GRM5: variants seen among roughly 807,000 people sequenced by gnomAD.
GRM5 encodes the protein metabotropic glutamate receptor 5.
GRM5 carries 19 observed loss-of-function variants against 83.1 expected under a neutral mutation model. That is an observed-to-expected ratio of 0.23 (90% CI 0.16 to 0.34). The LOEUF (loss-of-function observed/expected upper bound fraction) is 0.34, where lower values mean the gene tolerates loss of function less well. Among genes scored for constraint, GRM5 ranks in the 10% least tolerant of loss-of-function variants. GRM5 has a pLI of 1.00. For synonymous variants in GRM5, 675 were observed against 633.6 expected (o/e 1.07, Z -0.98); for missense variants, 1,160 against 1,588.3 (o/e 0.73, Z 4.58).
intron 3 of GRM5, among the ~76,000 whole-genome samples, chr11:88,775,573 A>AT (rs1347086026): frequency 6.6e-6 from 1 of 152,134 alleles, no homozygotes. Flanking sequence ...TCTTGTGGGC[A>AT]TTTAGTGCTA....
intron 3 of GRM5, among the ~76,000 whole-genome samples, chr11:88,785,124 G>A (rs1021656451): frequency 6.6e-6 from 1 of 152,056 alleles, no homozygotes; most frequent in Non-Finnish European, 1.5e-5. Flanking sequence ...GCAGAGGCTT[G>A]TCAGTGGAGG....
At position 88,777,549 on chromosome 11, in the gene GRM5, A is replaced by G. The variant is rs897485711; in HGVS notation, c.911+72357T>C. ...TTAGAATTTTCAGCTTTTCTGCTCCAGTTTCTCCCCATCTTTGTGGTTTTA... is the reference window on the plus strand; with the variant it reads ...TTAGAATTTTCAGCTTTTCTGCTCCGGTTTCTCCCCATCTTTGTGGTTTTA... On this transcript the variant is annotated intron_variant, in intron 3 of 9. Coordinates refer to ENST00000305447, the MANE Select transcript of GRM5 (RefSeq NM_001143831.3). Among the ~76,000 whole-genome samples, 37 of 152,246 alleles carry G rather than the reference A, an allele frequency of 2.4e-4. 1 individual carries two copies. Among genetic ancestry groups the G allele is most frequent in the African/African-American group, 8.7e-4 (36 of 41,544 alleles).
chr11:89,027,259 C>T (rs1461128558), intron 2 of GRM5, among the ~76,000 whole-genome samples: 2 of 152,028 alleles, frequency 1.3e-5, no homozygotes, highest in Admixed American at 6.6e-5. Context: ...CCACATCCAA[C>T]AAATTTTTGT....
chr11:88,783,010 C>T (rs1943002154), intron 3 of GRM5, among the ~76,000 whole-genome samples: 1 of 152,096 alleles, frequency 6.6e-6, no homozygotes, highest in Non-Finnish European at 1.5e-5. Context: ...CTAAGGATCA[C>T]CATGCTAGAT....
chr11:88,889,582 G>A (rs1945105488), intron 2 of GRM5, among the ~76,000 whole-genome samples: 1 of 152,042 alleles, frequency 6.6e-6, no homozygotes, highest in Non-Finnish European at 1.5e-5. Context: ...GAGTAACAGT[G>A]GATTTAAAGG....
At chr11:88,555,405 T>A (rs1263613528) in intron 8 of GRM5, among the ~76,000 whole-genome samples, 1 of 152,150 alleles carries the variant, frequency 6.6e-6, no homozygotes, top group Non-Finnish European at 1.5e-5. Context: ...GGACTGGGAC[T>A]TACTTAACAA....
intron 3 of GRM5, among the ~76,000 whole-genome samples, chr11:88,755,774 G>T (rs1942382916): frequency 1.3e-5 from 2 of 152,050 alleles, no homozygotes; most frequent in Admixed American, 1.3e-4. Context: ...TTTAGAAGCT[G>T]CCCTTGAGAA....
intron 3 of GRM5, among the ~76,000 whole-genome samples, chr11:88,818,587 A>G (rs1365221393): frequency 1.3e-5 from 2 of 152,124 alleles, no homozygotes; most frequent in African/African-American, 4.8e-5. Context: ...CACTTATTAC[A>G]TAGAAATTAT....
At chr11:88,601,376 C>A (rs188465210) in intron 5 of GRM5, among the ~76,000 whole-genome samples, 2 of 152,052 alleles carry the variant, frequency 1.3e-5, no homozygotes, top group East Asian at 3.9e-4. Flanking sequence ...CTATTTTGGG[C>A]CTTTTCTTTT....
rs1402393082 is a variant in GRM5, at chr11:89,008,730, A to G, written c.661+38482T>C. 5.3e-5 allele frequency among the ~76,000 whole-genome samples: 8 copies of G among 152,106 alleles called. No individual in the cohort carries two copies. The East Asian group carries it at 1.5e-3, about 29-fold the overall frequency. Reference sequence around the variant, plus strand: ...TGTCTTTATATACTCTGCTATTTCTAATTCAAACTCATGAAAAAAATGTTT... The same window carrying G: ...TGTCTTTATATACTCTGCTATTTCTGATTCAAACTCATGAAAAAAATGTTT... On this transcript the variant is annotated intron_variant, in intron 2 of 9. Coordinates refer to ENST00000305447, the MANE Select transcript of GRM5 (RefSeq NM_001143831.3).
At chr11:88,748,440 T>A (rs1203137923) in intron 3 of GRM5, among the ~76,000 whole-genome samples, 2 of 152,110 alleles carry the variant, frequency 1.3e-5, no homozygotes, top group Non-Finnish European at 2.9e-5. Context: ...GAGGTCTTCC[T>A]GAGATGGGTC....
rs1162004164 is a variant in GRM5, at chr11:88,812,330, T to C, written c.911+37576A>G. Among the ~76,000 whole-genome samples the C allele has an allele frequency of 2.6e-5, 4 of 152,112 alleles. No individual in the cohort carries two copies. In the South Asian group the frequency reaches 8.3e-4, roughly 31 times the overall value. ...ACGTCAACTGCAAAAACCATATTTG[T>C]GAGAGATGCTCAGTTATGTCTGAAT... On this transcript the variant is annotated intron_variant, in intron 3 of 9. Coordinates refer to ENST00000305447, the MANE Select transcript of GRM5 (RefSeq NM_001143831.3).
chr11:88,772,584 T>C (rs1658894634), intron 3 of GRM5, among the ~76,000 whole-genome samples: 1 of 152,092 alleles, frequency 6.6e-6, no homozygotes, highest in South Asian at 2.1e-4. Context: ...GTTCTCCTAA[T>C]GCTATTTCTC....
At chr11:88,572,820 G>C (rs572539968) in intron 7 of GRM5, among the ~76,000 whole-genome samples, 42 of 152,180 alleles carry the variant, frequency 2.8e-4, no homozygotes, top group Non-Finnish European at 4.4e-4. Context: ...TACTGGAAGT[G>C]TATGTAGAGG....
intron 3 of GRM5, among the ~76,000 whole-genome samples, chr11:88,655,421 GA>G (rs1299593935): frequency 6.6e-6 from 1 of 152,036 alleles, no homozygotes; most frequent in East Asian, 1.9e-4. Context: ...ATTCTCCAAG[GA>G]AGTGGGAATT....
At chr11:89,022,898 T>C (rs955595380) in intron 2 of GRM5, among the ~76,000 whole-genome samples, 4 of 152,162 alleles carry the variant, frequency 2.6e-5, no homozygotes, top group African/African-American at 9.7e-5. Flanking sequence ...GATTTAAAAA[T>C]GAAAATGTAG....
chr11:88,698,279 C>T (rs1343293848), intron 3 of GRM5, among the ~76,000 whole-genome samples: 1 of 152,158 alleles, frequency 6.6e-6, no homozygotes, highest in South Asian at 2.1e-4. Context: ...CTTGTTTGGT[C>T]TCTCTATTCC....
intron 3 of GRM5, among the ~76,000 whole-genome samples, chr11:88,782,518 C>T (rs540844681): frequency 3.9e-5 from 6 of 152,268 alleles, no homozygotes; most frequent in Non-Finnish European, 5.9e-5. Context: ...TTCCACAACA[C>T]ATGGGAATTC....
intron 2 of GRM5, among the ~76,000 whole-genome samples, chr11:88,970,054 G>A (rs534148349): frequency 6.6e-5 from 10 of 151,870 alleles, no homozygotes; most frequent in Middle Eastern, 3.4e-3. Flanking sequence ...ATTTTCTTCC[G>A]TATCTAACAT....
Sources: allele counts gnomAD v4.1 joint callset (sites outside exome capture counted in the v4.1 genomes callset), GRCh38; gene constraint gnomAD v4.1.1; transcripts MANE v1.5; gene names NCBI Gene and HGNC (gene_info 2026-07-23, HGNC 2026-07-21).